PCDHGB3: variants seen among roughly 807,000 people sequenced by gnomAD.
The protein encoded by PCDHGB3 is protocadherin gamma-B3.
Under a neutral mutation model 59.2 loss-of-function variants are expected in PCDHGB3, and 40 were observed. The ratio of observed to expected loss-of-function variants is 0.68; its 90% confidence interval spans 0.52 to 0.88. The LOEUF (loss-of-function observed/expected upper bound fraction) is 0.88. Among genes scored for constraint, PCDHGB3 ranks in the 40% least tolerant of loss-of-function variants. The pLI, the probability that PCDHGB3 is intolerant of heterozygous loss-of-function variation, is 0.00. For missense variants in PCDHGB3, 1,309 were observed against 1,187.9 expected (o/e 1.10, Z -1.50); for synonymous variants, 581 against 503.6 (o/e 1.15, Z -2.06).
chr5:141,419,032 A>G (rs1421513275), intron 1 of PCDHGB3: 2 of 1,614,004 alleles, frequency 1.2e-6, no homozygotes, highest in Non-Finnish European at 1.7e-6. Flanking sequence ...GAGGTGTTCC[A>G]TTTAAGATTC....
At chr5:141,392,833 G>A (rs750632906) in intron 1 of PCDHGB3, 39 of 1,604,260 alleles carry the variant, frequency 2.4e-5, no homozygotes, top group Non-Finnish European at 2.8e-5. Context: ...CCACAGAGTC[G>A]CCCCAGACGC....
In PCDHGB3 at chr5:141,511,233, T is replaced by C. The variant is rs776405064; in HGVS notation, c.*60T>C. 5.0e-6 allele frequency: 8 copies of C among 1,595,310 alleles called. No homozygotes were observed. Among genetic ancestry groups the C allele is most frequent in the Non-Finnish European group, 6.8e-6 (8 of 1,170,902 alleles). On this transcript the variant is annotated 3_prime_UTR_variant, in exon 4 of 4. Transcript: ENST00000576222. ...CTCCCCAACCAGCCCAGCTTCTCCT[T>C]ACCTGCACCCAGGCCTCAGAGTTTC...
intron 1 of PCDHGB3, among the ~76,000 whole-genome samples, chr5:141,439,190 C>CAAA (rs200519543): frequency 1.8e-5 from 2 of 111,760 alleles, no homozygotes; most frequent in African/African-American, 6.3e-5. Context: ...GAGACTCTGA[C>CAAA]AAAAAAAAAA....
At chr5:141,395,093 C>CT (rs2093169149) in intron 1 of PCDHGB3, 4 of 1,614,040 alleles carry the variant, frequency 2.5e-6, no homozygotes, top group Non-Finnish European at 3.4e-6. Flanking sequence ...TCTCCCTCAC[C>CT]GCCGACTCGC....
rs1288071067 is a variant in PCDHGB3 at position 141,404,171 on chromosome 5, GC to G, written c.2415+31365del. ...AGAAGATTATTACAGATTGTTGACG[GC>G]CCAAATTCTTGACCGAGAAAAAGCC... On this transcript the variant is annotated intron_variant, in intron 1 of 3. Coordinates refer to ENST00000576222, the MANE Select transcript of PCDHGB3 (RefSeq NM_018924.5). 5.6e-6 allele frequency: 9 copies of G among 1,612,616 alleles called. No homozygotes were observed. The African/African-American group carries it at 9.4e-5, about 17-fold the overall frequency.
intron 1 of PCDHGB3, chr5:141,395,737 A>T (rs2093305517): frequency 6.5e-6 from 1 of 152,906 alleles, no homozygotes; most frequent in Non-Finnish European, 1.5e-5. Flanking sequence ...TTCACTTTAA[A>T]CCTCTTTTCT....
chr5:141,428,546 A>C (rs1476382847), intron 1 of PCDHGB3: 1 of 263,642 alleles, frequency 3.8e-6, no homozygotes, highest in Non-Finnish European at 7.5e-6. Flanking sequence ...ATGACACCAG[A>C]AACAGTCCCC....
chr5:141,370,329 A>G lies in PCDHGB3; in HGVS notation c.-66A>G. ...AGCAAATAGTTGGTCCTGCTCGGAG[A>G]ACTCTTGGGATTATTTAAAGATCTC... On this transcript the variant is annotated 5_prime_UTR_variant, in exon 1 of 4. Coordinates refer to ENST00000576222, the MANE Select transcript of PCDHGB3 (RefSeq NM_018924.5). 9.9e-6 allele frequency: 14 copies of G among 1,407,454 alleles called. No homozygotes were observed. Among genetic ancestry groups the G allele is most frequent in the Non-Finnish European group, 1.2e-5 (13 of 1,040,076 alleles). 87.2% of individuals were successfully genotyped at this position (1,407,454 alleles called of 1,614,324 possible).
chr5:141,511,328 A>G lies in PCDHGB3; in HGVS notation c.*155A>G. On this transcript the variant is annotated 3_prime_UTR_variant, in exon 4 of 4. Transcript: ENST00000576222. Reference sequence around the variant, plus strand: ...CCTTGGGAAACAGAAACAAGTGCCCAGTCAGCACCTACCCCTTCCCCCCCA... The same window carrying G: ...CCTTGGGAAACAGAAACAAGTGCCCGGTCAGCACCTACCCCTTCCCCCCCA... The G allele has an allele frequency of 6.9e-7, 1 of 1,456,862 alleles. No individual in the cohort carries two copies. Among genetic ancestry groups the G allele is most frequent in the Non-Finnish European group, 9.1e-7 (1 of 1,093,622 alleles). 90.2% of individuals were successfully genotyped at this position (1,456,862 alleles called of 1,614,324 possible).
At chr5:141,448,692 G>A (rs913533738) in intron 1 of PCDHGB3, among the ~76,000 whole-genome samples, 6 of 152,072 alleles carry the variant, frequency 3.9e-5, no homozygotes, top group African/African-American at 9.7e-5. Context: ...TGTAATCGCA[G>A]CACTTTGGGA....
chr5:141,371,352 G>C lies in PCDHGB3; in HGVS notation c.958G>C (p.Glu320Gln), dbSNP rs1005607515. Reference protein sequence around the residue: ...EERDSYTIGVEAKDGGHHTAY... With the variant: ...EERDSYTIGVQAKDGGHHTAY... ...GAGAGATAGCTACACAATTGGGGTG[G>C]AAGCAAAGGATGGTGGACATCACAC... The change falls in exon 1 of 4, where the codon GAA (glutamate) becomes CAA (glutamine). Residue 320 changes from glutamate to glutamine, a missense_variant. By Grantham distance (29) the Glu-to-Gln change is conservative. Coordinates refer to ENST00000576222, the MANE Select transcript of PCDHGB3 (RefSeq NM_018924.5). 1.9e-6 allele frequency: 3 copies of C among 1,613,840 alleles called. No individual in the cohort carries two copies. In the African/African-American group the frequency reaches 4.0e-5, roughly 22 times the overall value.
chr5:141,472,850 G>A (rs1230517294), intron 1 of PCDHGB3, among the ~76,000 whole-genome samples: 1 of 151,876 alleles, frequency 6.6e-6, no homozygotes, highest in Admixed American at 6.6e-5. Flanking sequence ...GCTGGGCATG[G>A]TGGCACATGC....
At chr5:141,449,542 T>C (rs1379019468) in intron 1 of PCDHGB3, among the ~76,000 whole-genome samples, 2 of 142,482 alleles carry the variant, frequency 1.4e-5, no homozygotes, top group African/African-American at 5.3e-5. Context: ...TGAGCCGAGA[T>C]CGCACCACTG....
chr5:141,427,975 C>T lies in PCDHGB3; in HGVS notation c.2415+55166C>T, dbSNP rs757718263. ...AATGTGCCGCGGGTGCTGTACCCCGCGCTGGGGCCCGATGGCTCCGCACTC... is the reference window on the plus strand; with the variant it reads ...AATGTGCCGCGGGTGCTGTACCCCGTGCTGGGGCCCGATGGCTCCGCACTC... On this transcript the variant is annotated intron_variant, in intron 1 of 3. Transcript: ENST00000576222. The T allele has an allele frequency of 1.9e-6, 3 of 1,594,600 alleles. No individual in the cohort carries two copies. In the South Asian group the frequency reaches 3.3e-5, roughly 18 times the overall value.
chr5:141,423,234 C>A (rs1408925478), intron 1 of PCDHGB3: 1 of 1,613,800 alleles, frequency 6.2e-7, no homozygotes, highest in Non-Finnish European at 8.5e-7. Context: ...CCGACAGCAT[C>A]CCCGAAGTCC....
chr5:141,392,649 C>G, intron 1 of PCDHGB3: 1 of 703,200 alleles, frequency 1.4e-6, no homozygotes, highest in Non-Finnish European at 2.2e-6. Flanking sequence ...CACGAAGACC[C>G]GCAGATGCCA....
Position 141,490,270 on chromosome 5 carries a change from A to G in PCDHGB3, c.2416-4537A>G. On this transcript the variant is annotated intron_variant, in intron 1 of 3. Coordinates refer to ENST00000576222, the MANE Select transcript of PCDHGB3 (RefSeq NM_018924.5). The surrounding 1 kb of genome is among the most constrained non-coding windows in gnomAD (Gnocchi z 5.4). The stretch of plus-strand genomic sequence containing the variant: ...GATTCAAGTGGATGTGGGGGATGTC[A>G]ATGACAATGCCCCAGAGGTGCTATT... The G allele has an allele frequency of 6.2e-7, 1 of 1,614,226 alleles. No individual in the cohort carries two copies. Among genetic ancestry groups the G allele is most frequent in the African/African-American group, 1.3e-5 (1 of 75,060 alleles).
In PCDHGB3 at chr5:141,487,265, G is replaced by A; in HGVS notation, c.2416-7542G>A. 2 of 1,614,158 alleles carry A rather than the reference G, an allele frequency of 1.2e-6. 1 individual carries two copies. Among genetic ancestry groups the A allele is most frequent in the South Asian group, 2.2e-5 (2 of 91,084 alleles). On this transcript the variant is annotated intron_variant, in intron 1 of 3. Transcript: ENST00000576222. The surrounding 1 kb of genome is among the most constrained non-coding windows in gnomAD (Gnocchi z 5.0). Reference sequence around the variant, plus strand: ...AACCCTCTACTTGGCTGTGTCCCTAGTGGCAATTTGCTTTGTCTCCTTTGG... The same window carrying A: ...AACCCTCTACTTGGCTGTGTCCCTAATGGCAATTTGCTTTGTCTCCTTTGG...
At chr5:141,422,007 T>A in intron 1 of PCDHGB3, 1 of 1,609,966 alleles carries the variant, frequency 6.2e-7, no homozygotes, top group Non-Finnish European at 8.5e-7. Context: ...GCTCCGGAAC[T>A]CGGGTGCTGA....
Sources: gnomAD v4.1 joint callset for allele counts (sites outside exome capture counted in the v4.1 genomes callset) on GRCh38, gnomAD v4.1.1 for gene constraint, Gnocchi (gnomAD v3.1) non-coding constraint, MANE v1.5 for transcripts, NCBI Gene and HGNC (gene_info 2026-07-23, HGNC 2026-07-21) for gene names.